The following TBC1D5 variants were observed in gnomAD, a reference collection of about 807,000 sequenced individuals.
TBC1D5 encodes the protein TBC1 domain family, member 5.
Under a neutral mutation model 100.3 loss-of-function variants are expected in TBC1D5, and 75 were observed. That is an observed-to-expected ratio of 0.75 (90% CI 0.62 to 0.91). TBC1D5 has a LOEUF of 0.91. Ranked by LOEUF, TBC1D5 falls within the 40% of genes least tolerant of loss-of-function variation. The pLI is 0.00. For missense variants in TBC1D5, 910 were observed against 942.4 expected, an observed-to-expected ratio of 0.97 and a Z score of 0.45; for synonymous variants, 323 against 325.6, an observed-to-expected ratio of 0.99 and a Z score of 0.09.
chr3:17,610,368 G>T (rs1560274967), intron 2 of TBC1D5, among the ~76,000 whole-genome samples: 1 of 152,078 alleles, frequency 6.6e-6, no homozygotes. Flanking sequence ...TGTATGCTTT[G>T]TAGAAACAGG....
chr3:17,482,108 A>G (rs1321536835), intron 3 of TBC1D5, among the ~76,000 whole-genome samples: 1 of 152,210 alleles, frequency 6.6e-6, no homozygotes, highest in Non-Finnish European at 1.5e-5. Context: ...TCAGAACACA[A>G]TTGTCTGAGC....
At chr3:17,240,310 T>G (rs1273168853) in intron 16 of TBC1D5, among the ~76,000 whole-genome samples, 2 of 152,152 alleles carry the variant, frequency 1.3e-5, no homozygotes, top group Non-Finnish European at 2.9e-5. Context: ...TCATTATAAC[T>G]CAATGAAGTG....
At chr3:17,412,786 G>A (rs1444311825) in intron 4 of TBC1D5, among the ~76,000 whole-genome samples, 1 of 151,960 alleles carries the variant, frequency 6.6e-6, no homozygotes, top group Non-Finnish European at 1.5e-5. Flanking sequence ...AACTTGTCAA[G>A]AGAATAAAGA....
chr3:17,646,480 G>A (rs529753182), intron 1 of TBC1D5, among the ~76,000 whole-genome samples: 3 of 152,134 alleles, frequency 2.0e-5, no homozygotes, highest in African/African-American at 7.2e-5. Flanking sequence ...CCCATCCACC[G>A]ATTTTGTCAT....
chr3:17,360,036 G>A (rs1439590014), intron 13 of TBC1D5, among the ~76,000 whole-genome samples: 2 of 151,868 alleles, frequency 1.3e-5, no homozygotes, highest in Admixed American at 1.3e-4. Flanking sequence ...TTGATTGGAG[G>A]GTAGAAATTA....
intron 1 of TBC1D5, among the ~76,000 whole-genome samples, chr3:17,691,590 G>A (rs757061161): frequency 1.2e-4 from 18 of 152,122 alleles, no homozygotes; most frequent in South Asian, 2.1e-4. Context: ...AGGCCAAAGC[G>A]GGTGGATCAT....
intron 8 of TBC1D5, among the ~76,000 whole-genome samples, chr3:17,399,162 GT>G (rs1163183119): frequency 6.6e-6 from 1 of 152,074 alleles, no homozygotes; most frequent in Non-Finnish European, 1.5e-5. Context: ...AGGGAACTGG[GT>G]ATGTATTAGA....
At chr3:17,327,960 ATGTGACT>A (rs1351202129) in intron 13 of TBC1D5, among the ~76,000 whole-genome samples, 5 of 152,122 alleles carry the variant, frequency 3.3e-5, no homozygotes, top group African/African-American at 9.7e-5. Context: ...CTAGAGTTGG[ATGTGACT>A]TTAAAAACCC....
At chr3:17,391,056 A>G (rs1363284274) in intron 8 of TBC1D5, among the ~76,000 whole-genome samples, 8 of 152,136 alleles carry the variant, frequency 5.3e-5, no homozygotes, top group Non-Finnish European at 1.0e-4. Flanking sequence ...CCCCACCGGC[A>G]GGCCTCTGTA....
At chr3:17,652,966 G>A (rs184856673) in intron 1 of TBC1D5, among the ~76,000 whole-genome samples, 3 of 152,282 alleles carry the variant, frequency 2.0e-5, no homozygotes, top group Admixed American at 1.3e-4. Flanking sequence ...ATATTGTTCA[G>A]CCATAAGAAG....
intron 1 of TBC1D5, among the ~76,000 whole-genome samples, chr3:17,668,875 T>C (rs1435605532): frequency 6.6e-6 from 1 of 152,138 alleles, no homozygotes; most frequent in African/African-American, 2.4e-5. Context: ...AATCCCTAAA[T>C]AGAGTGTGGA....
intron 16 of TBC1D5, among the ~76,000 whole-genome samples, chr3:17,252,730 G>A (rs1188174455): frequency 6.6e-6 from 1 of 152,204 alleles, no homozygotes; most frequent in African/African-American, 2.4e-5. Flanking sequence ...CTGGAAAAGT[G>A]CAGTTTTCCC....
chr3:17,259,992 C>T (rs1014981479), intron 15 of TBC1D5, among the ~76,000 whole-genome samples: 2 of 152,138 alleles, frequency 1.3e-5, no homozygotes, highest in Non-Finnish European at 2.9e-5. Flanking sequence ...ATAACTGATG[C>T]TTCCATGACG....
At chr3:17,504,274 G>C (rs1176803955) in intron 3 of TBC1D5, among the ~76,000 whole-genome samples, 3 of 7,000 alleles carry the variant, frequency 4.3e-4, no homozygotes, top group African/African-American at 7.8e-4. Context: ...TCTGGGGACT[G>C]TTGTGGGGTG....
chr3:17,401,466 GAACT>G (rs2093650547), intron 8 of TBC1D5, among the ~76,000 whole-genome samples: 1 of 151,814 alleles, frequency 6.6e-6, no homozygotes, highest in African/African-American at 2.4e-5. Flanking sequence ...AAGTTTTCAA[GAACT>G]AACACTTTCT....
intron 15 of TBC1D5, among the ~76,000 whole-genome samples, chr3:17,277,452 T>C (rs114153819): frequency 2.9e-3 from 438 of 152,344 alleles, no homozygotes; most frequent in African/African-American, 0.01. Context: ...ATTATTATTA[T>C]TGTTTCCCCC....
At position 17,738,690 on chromosome 3, in the gene TBC1D5, T is replaced by C. The variant is rs184870399; in HGVS notation, c.-101+653A>G. Among the ~76,000 whole-genome samples the C allele has an allele frequency of 3.5e-3, 533 of 152,244 alleles. 5 individuals are homozygous for C. The highest frequency in any genetic ancestry group is 0.012 in the African/African-American group (505 of 41,528). The stretch of plus-strand genomic sequence containing the variant: ...AAGCATGGCAGAGCTGGTATGTCCA[T>C]GCAGCCCACAACACAGCATCAGGGT... On this transcript the variant is annotated intron_variant, in intron 1 of 21. Coordinates refer to ENST00000253692, the Ensembl canonical transcript of TBC1D5.
chr3:17,708,501 T>C (rs553054593), intron 1 of TBC1D5, among the ~76,000 whole-genome samples: 1 of 152,338 alleles, frequency 6.6e-6, no homozygotes, highest in South Asian at 2.1e-4. Flanking sequence ...CTTGATATGT[T>C]GGGCCAGATA....
exon 19 of TBC1D5, chr3:17,185,199 ATTC>A: frequency 1.2e-6 from 2 of 1,613,088 alleles, no homozygotes; most frequent in Non-Finnish European, 1.7e-6. Flanking sequence ...TGGGCTTCTA[ATTC>A]TTCTTCCTAA....
Sources: allele counts gnomAD v4.1 joint callset (sites outside exome capture counted in the v4.1 genomes callset), GRCh38; gene constraint gnomAD v4.1.1; transcripts MANE v1.5; gene names NCBI Gene and HGNC (gene_info 2026-07-23, HGNC 2026-07-21).